The following DGKB variants were observed in gnomAD, a reference collection of about 807,000 sequenced individuals.
The protein encoded by DGKB is diacylglycerol kinase beta, also known as 90 kDa diacylglycerol kinase.
In DGKB, 67 loss-of-function variants were observed where a neutral mutation model predicts 114.3. The observed-to-expected ratio is 0.59, with a 90% CI of 0.48 to 0.72. The LOEUF (loss-of-function observed/expected upper bound fraction) is 0.72. Ranked by LOEUF, DGKB falls within the 30% of genes least tolerant of loss-of-function variation. DGKB has a pLI of 0.00. For synonymous variants in DGKB, 398 were observed against 323.1 expected, an observed-to-expected ratio of 1.23 and a Z score of -2.49; for missense variants, 907 against 975.2, an observed-to-expected ratio of 0.93 and a Z score of 0.93.
chr7:14,507,841 T>A (rs1787338088), intron 20 of DGKB, among the ~76,000 whole-genome samples: 1 of 152,164 alleles, frequency 6.6e-6, no homozygotes, highest in African/African-American at 2.4e-5. Flanking sequence ...CAACTGTGGG[T>A]ACTGATGGCA....
Position 14,705,704 on chromosome 7 carries a change from C to G in DGKB, c.467-3974G>C, listed in dbSNP as rs1264545190. 2.7e-5 allele frequency among the ~76,000 whole-genome samples: 4 copies of G among 150,270 alleles called. No homozygotes were observed. In the East Asian group the frequency reaches 8.1e-4, roughly 30 times the overall value. The stretch of plus-strand genomic sequence containing the variant: ...GAATTTTCAACCCAGAATTTCATAT[C>G]CAGCCAAACTAAGCTTCATAAGTGA... On this transcript the variant is annotated intron_variant, in intron 6 of 25. Coordinates refer to ENST00000402815, the MANE Select transcript of DGKB (RefSeq NM_001350709.2).
chr7:14,195,527 C>T (rs74666156), intron 23 of DGKB, among the ~76,000 whole-genome samples: 8 of 152,102 alleles, frequency 5.3e-5, no homozygotes, highest in Non-Finnish European at 1.0e-4. Flanking sequence ...TAATACAGGG[C>T]AGTGCCAACA....
At chr7:14,748,649 A>AGCATACAGAGCATACAGGATATAAC (rs1398094251) in intron 4 of DGKB, among the ~76,000 whole-genome samples, 2 of 152,198 alleles carry the variant, frequency 1.3e-5, no homozygotes, top group Non-Finnish European at 2.9e-5. Flanking sequence ...AGGATATTAG[A>AGCATACAGAGCATACAGGATATAAC]TCATCAAAAG....
chr7:14,162,861 C>T (rs896925333), intron 25 of DGKB, among the ~76,000 whole-genome samples: 1 of 152,122 alleles, frequency 6.6e-6, no homozygotes, highest in African/African-American at 2.4e-5. Flanking sequence ...ATTAATTAAG[C>T]TCTAATAATG....
intron 21 of DGKB, among the ~76,000 whole-genome samples, chr7:14,394,681 T>C (rs1821953153): frequency 1.3e-5 from 2 of 152,026 alleles, no homozygotes; most frequent in South Asian, 4.1e-4. Context: ...TTTTTTATTT[T>C]CTGAAACTTC....
chr7:14,861,237 G>C (rs1250085811), intron 1 of DGKB, among the ~76,000 whole-genome samples: 1 of 151,844 alleles, frequency 6.6e-6, no homozygotes. Context: ...CATCCAATAA[G>C]ATGTACAAAA....
intron 23 of DGKB, among the ~76,000 whole-genome samples, chr7:14,225,915 T>C (rs141847729): frequency 2.6e-5 from 4 of 152,114 alleles, no homozygotes; most frequent in African/African-American, 9.6e-5. Context: ...ATAATTAATT[T>C]CTCTAAAATG....
intron 1 of DGKB, among the ~76,000 whole-genome samples, chr7:14,861,883 C>T (rs768019430): frequency 6.6e-6 from 1 of 151,868 alleles, no homozygotes; most frequent in African/African-American, 2.4e-5. Flanking sequence ...ATTTGAGCTG[C>T]TTGCAAGATT....
intron 2 of DGKB, among the ~76,000 whole-genome samples, chr7:14,801,886 G>GTATA (rs990973713): frequency 2.7e-5 from 4 of 149,018 alleles, no homozygotes; most frequent in African/African-American, 5.0e-5. Flanking sequence ...ATGTGTGTGT[G>GTATA]TATATATATA....
At chr7:14,727,686 C>T (rs571094459) in intron 5 of DGKB, among the ~76,000 whole-genome samples, 1 of 152,252 alleles carries the variant, frequency 6.6e-6, no homozygotes, top group Non-Finnish European at 1.5e-5. Flanking sequence ...CATAGTCACA[C>T]AAGCTATGTA....
At chr7:14,159,400 C>T (rs1466245415) in intron 25 of DGKB, among the ~76,000 whole-genome samples, 1 of 152,152 alleles carries the variant, frequency 6.6e-6, no homozygotes, top group African/African-American at 2.4e-5. Context: ...CTATTATACC[C>T]TGTCACAGTA....
At chr7:14,174,929 G>T (rs1781503130) in intron 25 of DGKB, among the ~76,000 whole-genome samples, 1 of 152,214 alleles carries the variant, frequency 6.6e-6, no homozygotes, top group Admixed American at 6.5e-5. Flanking sequence ...GGAGGAAAAA[G>T]ATTTAGTGTT....
At position 14,149,255 on chromosome 7, in the gene DGKB, A is replaced by G. The variant is rs747971125; in HGVS notation, c.2305-17T>C. 6 of 1,566,554 alleles carry G rather than the reference A, an allele frequency of 3.8e-6. No homozygotes were observed. The highest frequency in any genetic ancestry group is 2.2e-5 in the South Asian group (2 of 89,892). On this transcript the variant is annotated splice_polypyrimidine_tract_variant and intron_variant, in intron 25 of 25. Coordinates refer to ENST00000402815, the MANE Select transcript of DGKB (RefSeq NM_001350709.2). The stretch of plus-strand genomic sequence containing the variant: ...AATTTTTATCTAGAAAAAAAGAGAG[A>G]GAGAGAGAGAGAAAGAATAGAGTAA...
At chr7:14,323,238 G>C (rs1411851214) in intron 23 of DGKB, among the ~76,000 whole-genome samples, 1 of 152,064 alleles carries the variant, frequency 6.6e-6, no homozygotes, top group African/African-American at 2.4e-5. Context: ...ATAAAAACCA[G>C]AAACATTTAT....
At chr7:14,429,957 G>A (rs6947664) in intron 21 of DGKB, among the ~76,000 whole-genome samples, 4,411 of 152,124 alleles carry the variant, frequency 0.029, 227 homozygotes, top group African/African-American at 0.1. Context: ...AATGTATTTC[G>A]GGGAAATTCC....
intron 12 of DGKB, among the ~76,000 whole-genome samples, chr7:14,675,809 C>T (rs534703615): frequency 1.3e-5 from 2 of 152,080 alleles, no homozygotes; most frequent in East Asian, 1.9e-4. Context: ...ATACCTTATG[C>T]TTGTATTAAG....
chr7:14,621,428 T>C lies in DGKB; in HGVS notation c.1234A>G (p.Asn412Asp), dbSNP rs1807621990. Residue 412 changes from asparagine to aspartate, a missense_variant, in exon 15 of 26, where the codon AAT becomes GAT. Asn to Asp is a conservative substitution (Grantham distance 23). Around this residue, in one of 3 missense-constraint regions of DGKB, gnomAD observed 814 missense variants for 856.6 expected, o/e 0.95. Coordinates refer to ENST00000402815, the MANE Select transcript of DGKB (RefSeq NM_001350709.2). ...ACAGAGTTGGCTCTTTGCATTTTAT[T>C]CTTGTCAATCACTTTGTTTGGCTGC... ...SQQPNKVIDK[N>D]KMQRANSVTV... 1.2e-6 allele frequency: 2 copies of C among 1,611,392 alleles called. No homozygotes were observed. The highest frequency in any genetic ancestry group is 2.2e-5 in the South Asian group (2 of 90,614).
intron 20 of DGKB, among the ~76,000 whole-genome samples, chr7:14,520,725 G>C (rs935828658): frequency 3.9e-5 from 6 of 151,932 alleles, no homozygotes; most frequent in African/African-American, 1.2e-4. Context: ...ATTGAGACTT[G>C]TTTTGTGAAA....
chr7:14,949,588 T>C (rs919027014), intron 1 of DGKB, among the ~76,000 whole-genome samples: 8 of 151,948 alleles, frequency 5.3e-5, no homozygotes, highest in African/African-American at 1.9e-4. Context: ...CAATAAAATA[T>C]TCAAAGTAAT....
Sources: allele counts gnomAD v4.1 joint callset (sites outside exome capture counted in the v4.1 genomes callset), GRCh38; gene constraint gnomAD v4.1.1; regional missense constraint gnomAD v4.1.1; transcripts MANE v1.5; gene names NCBI Gene and HGNC (gene_info 2026-07-23, HGNC 2026-07-21).